The following SH3BP5 variants were observed in gnomAD, a reference collection of about 807,000 sequenced individuals.
The protein encoded by SH3BP5 is SH3 domain binding protein 5, also known as SH3 domain-binding protein 5.
Under a neutral mutation model 43.3 loss-of-function variants are expected in SH3BP5, and 22 were observed. That is an observed-to-expected ratio of 0.51 (90% CI 0.36 to 0.73). The LOEUF is 0.73. SH3BP5 is among the 30% of genes least tolerant of loss of function. The probability of loss-of-function intolerance (pLI) is 0.00; values close to 1 mark genes in which losing one functional copy is unlikely to be tolerated. For synonymous variants in SH3BP5, 255 were observed against 225.8 expected (o/e 1.13, Z -1.16); for missense variants, 529 against 586.9 (o/e 0.90, Z 1.02).
chr3:15,325,370 C>A (rs748957688), intron 2 of SH3BP5, among the ~76,000 whole-genome samples: 1 of 152,232 alleles, frequency 6.6e-6, no homozygotes, highest in Non-Finnish European at 1.5e-5. Context: ...ATGCCTGGCA[C>A]AAGGCCCCCT....
intron 2 of SH3BP5, among the ~76,000 whole-genome samples, chr3:15,310,242 G>A (rs1393965060): frequency 1.3e-5 from 2 of 152,342 alleles, no homozygotes; most frequent in African/African-American, 4.8e-5. Flanking sequence ...AGATGTTTAA[G>A]AGGATGGAAT....
At chr3:15,337,741 A>G (rs1411123712) in intron 1 of SH3BP5, among the ~76,000 whole-genome samples, 3 of 151,524 alleles carry the variant, frequency 2.0e-5, no homozygotes, top group Admixed American at 1.3e-4. Context: ...GCCTCCCCAC[A>G]TCTCTACCAA....
At chr3:15,277,008 T>C (rs1216787997) in intron 3 of SH3BP5, among the ~76,000 whole-genome samples, 1 of 152,094 alleles carries the variant, frequency 6.6e-6, no homozygotes, top group Admixed American at 6.5e-5. Flanking sequence ...TGGAGTGCAA[T>C]GGTGCGATCT....
intron 2 of SH3BP5, among the ~76,000 whole-genome samples, chr3:15,313,317 C>T (rs1698105889): frequency 6.6e-6 from 1 of 152,170 alleles, no homozygotes. Context: ...ATAAATAGCA[C>T]ATGCAGTCCT....
rs74567132 is a variant in SH3BP5, at chr3:15,309,669, T to C, written c.202-5438A>G. On this transcript the variant is annotated intron_variant, in intron 2 of 8. Transcript: ENST00000383791. ...TAAAAGACTCCTCAGGTGATTCTGA[T>C]GGGCAGGTTCAGGGCCTGCCAGTCT... Among the ~76,000 whole-genome samples the C allele has an allele frequency of 7.7e-3, 1,168 of 152,340 alleles. 8 individuals are homozygous for C. The highest frequency in any genetic ancestry group is 0.016 in the South Asian group (79 of 4,828).
intron 3 of SH3BP5, among the ~76,000 whole-genome samples, chr3:15,277,675 G>C (rs757212746): frequency 2.6e-5 from 4 of 152,094 alleles, no homozygotes; most frequent in Non-Finnish European, 4.4e-5. Flanking sequence ...AGAGAGGCAC[G>C]GGGCAGGCAA....
At chr3:15,292,788 T>C (rs1440700739) in intron 3 of SH3BP5, among the ~76,000 whole-genome samples, 2 of 151,422 alleles carry the variant, frequency 1.3e-5, no homozygotes, top group Non-Finnish European at 3.0e-5. Context: ...GCGGAGGTTG[T>C]GGTGAGCCGA....
At position 15,255,889 on chromosome 3, in the gene SH3BP5, G is replaced by C. The variant is rs1419517024; in HGVS notation, c.*197C>G. On this transcript the variant is annotated 3_prime_UTR_variant, in exon 9 of 9. Coordinates refer to ENST00000383791, the MANE Select transcript of SH3BP5 (RefSeq NM_004844.5). ...CCTAGTCACAGTCTACCCACAACAA[G>C]AACTCTGCTCTGAAAAACCAGCCCA... The C allele has an allele frequency of 5.1e-6, 3 of 584,438 alleles. No individual in the cohort carries two copies. Among genetic ancestry groups the C allele is most frequent in the African/African-American group, 1.9e-5 (1 of 53,748 alleles). The allele number at this position is 584,438 out of a possible 1,614,324, so 36.2% of individuals were successfully genotyped here. A position where few individuals can be genotyped will look rare whatever the true frequency, so the allele number is the denominator to read the frequency against.
intron 3 of SH3BP5, among the ~76,000 whole-genome samples, chr3:15,280,952 T>C (rs1186027049): frequency 1.3e-5 from 2 of 152,186 alleles, no homozygotes; most frequent in South Asian, 2.1e-4. Context: ...TTGCCTGACA[T>C]TGTGAGGGAG....
chr3:15,304,384 C>G, intron 2 of SH3BP5, 153 bp from the exon 3 acceptor site: 1 of 1,180,458 alleles, frequency 8.5e-7, no homozygotes, highest in African/African-American at 1.5e-5. Flanking sequence ...TAGAGCAGCA[C>G]CGCCCAAAAC....
intron 4 of SH3BP5, among the ~76,000 whole-genome samples, chr3:15,266,513 C>T (rs765551550): frequency 3.3e-5 from 5 of 152,216 alleles, no homozygotes; most frequent in Non-Finnish European, 7.3e-5. Context: ...GCCAGCCCTC[C>T]TCTCTCAGAG....
rs553438088 is a variant in SH3BP5 at position 15,306,066 on chromosome 3, A to G, written c.202-1835T>C. ...ACATGCATGAGTTTAAAAAAAAAAG[A>G]GAAATGGCAGCCGGGCACCATGGCT... is the stretch of plus-strand genomic sequence containing the variant. On this transcript the variant is annotated intron_variant, in intron 2 of 8. Transcript: ENST00000383791. Among the ~76,000 whole-genome samples, 57 of 151,872 alleles carry G rather than the reference A, an allele frequency of 3.8e-4. 1 individual carries two copies. The South Asian group carries it at 0.011, about 31-fold the overall frequency.
chr3:15,318,594 G>A lies in SH3BP5; in HGVS notation c.201+11910C>T, dbSNP rs182195862. 7.7e-4 allele frequency among the ~76,000 whole-genome samples: 114 copies of A among 147,668 alleles called. 1 individual carries two copies. The highest frequency in any genetic ancestry group is 1.3e-3 in the Non-Finnish European group (85 of 67,438). ...TTGTTTTTTTTAAGACAAGAGTCTC[G>A]CTTTGTCACCCAGGCTGGAGTGCAG... On this transcript the variant is annotated intron_variant, in intron 2 of 8. Transcript: ENST00000383791.
chr3:15,271,900 T>C lies in SH3BP5; in HGVS notation c.331-2023A>G, dbSNP rs1396624965. Among the ~76,000 whole-genome samples the C allele has an allele frequency of 1.1e-4, 16 of 151,966 alleles. No homozygotes were observed. In the East Asian group the frequency reaches 3.1e-3, roughly 29 times the overall value. On this transcript the variant is annotated intron_variant, in intron 3 of 8. Transcript: ENST00000383791. ...ACCACTCTACAGGCTCACCTTGAAT[T>C]CCCCAGCAGGGTAGAAGCCACAAAC...
chr3:15,261,428 C>T (rs1481314334), intron 5 of SH3BP5, among the ~76,000 whole-genome samples: 2 of 152,198 alleles, frequency 1.3e-5, no homozygotes, highest in African/African-American at 4.8e-5. Context: ...GAGGACTGGG[C>T]ATCTGCCAAG....
rs1006965101 is a variant in SH3BP5 at position 15,255,405 on chromosome 3, C to T, written c.*681G>A. 1.3e-5 allele frequency: 2 copies of T among 152,612 alleles called. No individual in the cohort carries two copies. The highest frequency in any genetic ancestry group is 4.8e-5 in the African/African-American group (2 of 41,426). 9.5% of individuals were successfully genotyped at this position (152,612 alleles called of 1,614,324 possible). A position where few individuals can be genotyped will look rare whatever the true frequency, so the allele number is the denominator to read the frequency against. On this transcript the variant is annotated 3_prime_UTR_variant, in exon 9 of 9. Transcript: ENST00000383791. Reference sequence around the variant, plus strand: ...GCCACAAATCCCCTTCTATAAGTCCCTCCTACCCTCATCCCCCCGCATCCC... The same window carrying T: ...GCCACAAATCCCCTTCTATAAGTCCTTCCTACCCTCATCCCCCCGCATCCC...
rs553177382 is a variant in SH3BP5, at chr3:15,256,794, ACAGT to A, written c.1150+55_1150+58del. 3.7e-4 allele frequency: 575 copies of A among 1,545,010 alleles called. 5 individuals are homozygous for A. In the African/African-American group the frequency reaches 7.0e-3, roughly 19 times the overall value. Reference sequence around the variant, plus strand: ...CCTGGCAGAGGTATGGAATGGCACAACAGTCAGGCTACAGAGGCAGTGTGGCATC... The same window carrying A: ...CCTGGCAGAGGTATGGAATGGCACAACAGGCTACAGAGGCAGTGTGGCATC... On this transcript the variant is annotated intron_variant, in intron 8 of 8. Transcript: ENST00000383791.
chr3:15,268,103 T>C (rs1262238874), intron 4 of SH3BP5, among the ~76,000 whole-genome samples: 1 of 152,196 alleles, frequency 6.6e-6, no homozygotes, highest in African/African-American at 2.4e-5. Context: ...TCTAGCTCTG[T>C]GAGCATCACG....
At chr3:15,303,550 G>A (rs6442513) in intron 3 of SH3BP5, among the ~76,000 whole-genome samples, 54,221 of 151,852 alleles carry the variant, frequency 0.36, 9,782 homozygotes, top group East Asian at 0.56. Flanking sequence ...AGTCCCCTCC[G>A]CCACTCCCCT....
Sources: gnomAD v4.1 joint callset for allele counts (sites outside exome capture counted in the v4.1 genomes callset) on GRCh38, gnomAD v4.1.1 for gene constraint, MANE v1.5 for transcripts, NCBI Gene and HGNC (gene_info 2026-07-23, HGNC 2026-07-21) for gene names.